The following CNTN1 variants were observed in gnomAD, a reference collection of about 807,000 sequenced individuals.
CNTN1 encodes contactin 1, also known as contactin-1.
A neutral mutation model predicts 126.4 loss-of-function variants in CNTN1; 38 were observed. The ratio of observed to expected loss-of-function variants is 0.30; its 90% CI spans 0.23 to 0.39. The LOEUF (loss-of-function observed/expected upper bound fraction) is 0.39, where lower values mean the gene tolerates loss of function less well. Among genes scored for constraint, CNTN1 ranks in the 10% least tolerant of loss-of-function variants. The pLI, the probability that CNTN1 is intolerant of heterozygous loss-of-function variation, is 1.00. For missense variants in CNTN1, 1,009 were observed against 1,248.4 expected, an observed-to-expected ratio of 0.81 and a Z score of 2.89; for synonymous variants, 413 against 422.6, an observed-to-expected ratio of 0.98 and a Z score of 0.28.
At chr12:40,729,384 T>C (rs1319825599) in intron 1 of CNTN1, 4 of 153,180 alleles carry the variant, frequency 2.6e-5, no homozygotes, top group African/African-American at 9.6e-5. Context: ...AGACAGTCCT[T>C]GGAAGAAGGT....
At chr12:40,725,952 A>G (rs769999841) in intron 1 of CNTN1, among the ~76,000 whole-genome samples, 34 of 152,272 alleles carry the variant, frequency 2.2e-4, no homozygotes, top group Non-Finnish European at 4.4e-4. Context: ...ATAATTTAAA[A>G]TAGTGAGGAA....
chr12:41,061,714 G>A (rs1389193415), intron 23 of CNTN1: 2 of 445,088 alleles, frequency 4.5e-6, no homozygotes, highest in Non-Finnish European at 9.0e-6. Flanking sequence ...ACTCAGGGCT[G>A]TAGTAGGAAC....
chr12:40,745,978 C>T (rs1592040983), intron 1 of CNTN1, among the ~76,000 whole-genome samples: 1 of 152,096 alleles, frequency 6.6e-6, no homozygotes, highest in South Asian at 2.1e-4. Context: ...AAGTTTAGTT[C>T]TCACGTAGGT....
At position 40,943,699 on chromosome 12, in the gene CNTN1, T is replaced by C; in HGVS notation, c.1482T>C (p.Asn494=). 6.2e-7 allele frequency: 1 copy of C among 1,612,802 alleles called. No homozygotes were observed. ...CFAENNRGKA[N]STGTLVITDP... ...CAGAAAATAACAGAGGGAAAGCTAA[T>C]AGCACTGGAACCCTTGTTATCACAG... The change falls in exon 13 of 24, where the codon AAT becomes AAC. Residue 494 remains asparagine (N), a synonymous_variant. Transcript: ENST00000551295.
intron 14 of CNTN1, among the ~76,000 whole-genome samples, chr12:40,946,307 T>C (rs994206900): frequency 6.6e-6 from 1 of 152,140 alleles, no homozygotes; most frequent in Admixed American, 6.6e-5. Flanking sequence ...GGATTGTTAA[T>C]AGATCATTCT....
intron 1 of CNTN1, among the ~76,000 whole-genome samples, chr12:40,870,987 G>T (rs149412255): frequency 1.3e-5 from 2 of 152,176 alleles, no homozygotes; most frequent in African/African-American, 4.8e-5. Flanking sequence ...TGAATTTTGT[G>T]CTCTGTCTAC....
intron 1 of CNTN1, among the ~76,000 whole-genome samples, chr12:40,864,896 G>A (rs1019079070): frequency 1.3e-5 from 2 of 152,022 alleles, no homozygotes; most frequent in Non-Finnish European, 2.9e-5. Flanking sequence ...TCTTAAATTT[G>A]GAGGCAAAGT....
At position 40,819,336 on chromosome 12, in the gene CNTN1, G is replaced by A. The variant is rs73116775; in HGVS notation, c.-76-89021G>A. On this transcript the variant is annotated intron_variant, in intron 1 of 23. Coordinates refer to ENST00000551295, the MANE Select transcript of CNTN1 (RefSeq NM_001843.4). ...ACTGCGGCCACCCCTCTCACTAGGG[G>A]CTCAGATCCAGGGAGCTCTGAATTC... Among the ~76,000 whole-genome samples, 1,379 of 152,244 alleles carry A rather than the reference G, an allele frequency of 9.1e-3. 17 individuals carry two copies. The highest frequency in any genetic ancestry group is 0.031 in the African/African-American group (1,296 of 41,560).
intron 1 of CNTN1, among the ~76,000 whole-genome samples, chr12:40,704,666 A>C (rs954250321): frequency 1.3e-5 from 2 of 152,172 alleles, no homozygotes; most frequent in Non-Finnish European, 2.9e-5. Context: ...GTATACAATC[A>C]TATCTGTTAT....
intron 23 of CNTN1, among the ~76,000 whole-genome samples, chr12:41,034,704 C>T (rs1435005601): frequency 1.3e-5 from 2 of 152,164 alleles, no homozygotes; most frequent in African/African-American, 4.8e-5. Flanking sequence ...AAATAGCTTA[C>T]ATTTAAATTA....
At chr12:40,841,239 T>C in intron 1 of CNTN1, among the ~76,000 whole-genome samples, 1 of 151,360 alleles carries the variant, frequency 6.6e-6, no homozygotes, top group East Asian at 1.9e-4. Flanking sequence ...AATCAGGAGG[T>C]AGAAAACCTA....
At chr12:40,792,537 T>TCTAAATAATATATACATCTAAAA (rs1940257727) in intron 1 of CNTN1, among the ~76,000 whole-genome samples, 1 of 152,102 alleles carries the variant, frequency 6.6e-6, no homozygotes, top group African/African-American at 2.4e-5. Flanking sequence ...ATGAAAATTA[T>TCTAAATAATATATACATCTAAAA]TGTAAACCAC....
intron 15 of CNTN1, among the ~76,000 whole-genome samples, chr12:40,963,380 C>T (rs1393020694): frequency 6.6e-6 from 1 of 151,906 alleles, no homozygotes; most frequent in Non-Finnish European, 1.5e-5. Flanking sequence ...ATATTGACCT[C>T]AATTTTCCAA....
At position 41,070,359 on chromosome 12, in the gene CNTN1, G is replaced by A. The variant is rs1950136079; in HGVS notation, c.*324G>A. The A allele has an allele frequency of 1.0e-5, 4 of 384,004 alleles. No homozygotes were observed. In the Admixed American group the frequency reaches 1.6e-4, roughly 15 times the overall value. 23.8% of individuals were successfully genotyped at this position (384,004 alleles called of 1,614,324 possible). A position where few individuals can be genotyped will look rare whatever the true frequency, so the allele number is the denominator to read the frequency against. On this transcript the variant is annotated 3_prime_UTR_variant, in exon 24 of 24. Transcript: ENST00000551295. The stretch of plus-strand genomic sequence containing the variant: ...AGTGTTCAATTCAATACTATAGGCT[G>A]TAGAGTGAAAGTCAAATCACCATAT...
intron 3 of CNTN1, 58 bp downstream of exon 3, chr12:40,910,163 A>C: frequency 7.6e-7 from 1 of 1,322,258 alleles, no homozygotes; most frequent in South Asian, 1.2e-5. Context: ...ATCATATTTT[A>C]TCTCTGCTTT....
intron 1 of CNTN1, among the ~76,000 whole-genome samples, chr12:40,718,243 A>C (rs1942098100): frequency 6.6e-6 from 1 of 152,154 alleles, no homozygotes; most frequent in Non-Finnish European, 1.5e-5. Flanking sequence ...ATTTTGGCTC[A>C]CTGCAACCTC....
intron 1 of CNTN1, among the ~76,000 whole-genome samples, chr12:40,857,425 G>T (rs547905532): frequency 2.3e-4 from 35 of 152,050 alleles, no homozygotes; most frequent in Admixed American, 9.2e-4. Context: ...GCTTGCAGAG[G>T]TTTGTGGGCA....
chr12:40,835,799 T>TACAC (rs10556497), intron 1 of CNTN1, among the ~76,000 whole-genome samples: 9,571 of 142,404 alleles, frequency 0.067, 354 homozygotes, highest in Non-Finnish European at 0.089. Context: ...ATGCTATTTA[T>TACAC]ACACACACAC....
At chr12:41,032,836 G>A (rs926840847) in intron 23 of CNTN1, among the ~76,000 whole-genome samples, 5 of 152,168 alleles carry the variant, frequency 3.3e-5, no homozygotes, top group Non-Finnish European at 5.9e-5. Context: ...CTCCATGGGA[G>A]CAAGCTCTTG....
Sources: gnomAD v4.1 joint callset for allele counts (sites outside exome capture counted in the v4.1 genomes callset) on GRCh38, gnomAD v4.1.1 for gene constraint, MANE v1.5 for transcripts, NCBI Gene and HGNC (gene_info 2026-07-23, HGNC 2026-07-21) for gene names.